Variants in UPP2 observed in about 807,000 individuals in gnomAD.
The protein encoded by UPP2 is UPase 2.
UPP2 carries 23 observed loss-of-function variants against 26.7 expected under a neutral mutation model. The ratio of observed to expected loss-of-function variants is 0.86; its 90% CI spans 0.62 to 1.22. UPP2 has a LOEUF of 1.22. UPP2 is among the 50% of genes most tolerant of loss of function. The probability of loss-of-function intolerance (pLI) is 0.00; values close to 1 mark genes in which losing one functional copy is unlikely to be tolerated. For missense variants in UPP2, 387 were observed against 396.7 expected, an observed-to-expected ratio of 0.98 and a Z score of 0.21; for synonymous variants, 127 against 141.3, an observed-to-expected ratio of 0.90 and a Z score of 0.72.
At chr2:158,027,573 T>C (rs1328459763) in intron 3 of UPP2, among the ~76,000 whole-genome samples, 1 of 152,042 alleles carries the variant, frequency 6.6e-6, no homozygotes, top group Non-Finnish European at 1.5e-5. Context: ...TCCAGGCAAA[T>C]GGTGCAAGCT....
chr2:158,103,094 A>T (rs1381077961), intron 1 of UPP2, among the ~76,000 whole-genome samples: 1 of 152,216 alleles, frequency 6.6e-6, no homozygotes, highest in Non-Finnish European at 1.5e-5. Flanking sequence ...TTTTGGAAAA[A>T]TCAAATATTC....
intron 2 of UPP2, among the ~76,000 whole-genome samples, chr2:158,012,220 A>G (rs543373631): frequency 6.8e-6 from 1 of 146,568 alleles, no homozygotes; most frequent in East Asian, 2.2e-4. Context: ...AATAAGCATG[A>G]GGAAGTTTCA....
chr2:158,131,513 T>C (rs1322711218), intron 6 of UPP2, among the ~76,000 whole-genome samples: 1 of 152,190 alleles, frequency 6.6e-6, no homozygotes, highest in Non-Finnish European at 1.5e-5. Flanking sequence ...GAGGTTCCAA[T>C]TAGGACTTTC....
At chr2:158,102,262 A>T in intron 1 of UPP2, 137 bp downstream of exon 1, 1 of 842,676 alleles carries the variant, frequency 1.2e-6, no homozygotes, top group Non-Finnish European at 1.7e-6. Flanking sequence ...GATGCAGCTC[A>T]TAAAGCAATA....
intron 2 of UPP2, among the ~76,000 whole-genome samples, chr2:158,112,378 T>C (rs1683338150): frequency 6.6e-6 from 1 of 152,236 alleles, no homozygotes; most frequent in African/African-American, 2.4e-5. Context: ...CTTCAAATGG[T>C]GCTGGGACAA....
chr2:158,067,598 A>T (rs1165984548), intron 3 of UPP2, among the ~76,000 whole-genome samples: 1 of 152,152 alleles, frequency 6.6e-6, no homozygotes, highest in East Asian at 1.9e-4. Flanking sequence ...CATTATGGGC[A>T]GAGAAGATTT....
At chr2:158,016,397 A>AT (rs1683660182) in intron 3 of UPP2, among the ~76,000 whole-genome samples, 1 of 151,836 alleles carries the variant, frequency 6.6e-6, no homozygotes, top group Admixed American at 6.6e-5. Context: ...CTGGAGTGCA[A>AT]TGGTGCTATC....
chr2:158,106,694 T>C (rs1245619139), intron 2 of UPP2, among the ~76,000 whole-genome samples: 1 of 152,202 alleles, frequency 6.6e-6, no homozygotes, highest in African/African-American at 2.4e-5. Context: ...AAATATTTCA[T>C]ACAAATTATT....
intron 3 of UPP2, among the ~76,000 whole-genome samples, chr2:158,051,474 T>G (rs1272648287): frequency 6.6e-6 from 1 of 152,032 alleles, no homozygotes; most frequent in African/African-American, 2.4e-5. Flanking sequence ...AAATATTACT[T>G]GGAGTGAAGA....
chr2:158,020,384 AC>A (rs371656245), intron 3 of UPP2, among the ~76,000 whole-genome samples: 96 of 152,348 alleles, frequency 6.3e-4, no homozygotes, highest in African/African-American at 2.3e-3. Flanking sequence ...TGTTAACTGC[AC>A]TATGCAGGAC....
intron 3 of UPP2, among the ~76,000 whole-genome samples, chr2:158,079,343 CA>C (rs1414300315): frequency 6.6e-6 from 1 of 151,952 alleles, no homozygotes; most frequent in Non-Finnish European, 1.5e-5. Context: ...GTAGGATATC[CA>C]AATTATAAGA....
chr2:158,004,608 C>G (rs908703681), intron 2 of UPP2, among the ~76,000 whole-genome samples: 1 of 152,218 alleles, frequency 6.6e-6, no homozygotes, highest in African/African-American at 2.4e-5. Flanking sequence ...GCTCTCCCCT[C>G]ATGAAGCTCT....
At chr2:158,021,955 ACAT>A (rs1683758392) in intron 3 of UPP2, among the ~76,000 whole-genome samples, 1 of 152,208 alleles carries the variant, frequency 6.6e-6, no homozygotes, top group East Asian at 1.9e-4. Context: ...TCTCTCAAAA[ACAT>A]CATGGAATCC....
At chr2:158,055,582 T>A (rs1352874922) in intron 3 of UPP2, among the ~76,000 whole-genome samples, 2 of 152,186 alleles carry the variant, frequency 1.3e-5, no homozygotes, top group Non-Finnish European at 2.9e-5. Flanking sequence ...TCTAAAAGTA[T>A]TCCCATAACA....
chr2:157,996,628 G>C (rs1683328281), intron 2 of UPP2, among the ~76,000 whole-genome samples: 1 of 152,132 alleles, frequency 6.6e-6, no homozygotes, highest in African/African-American at 2.4e-5. Context: ...TCTAGAATTA[G>C]AGAAGAAACA....
At chr2:158,038,327 T>C (rs1684033761) in intron 3 of UPP2, among the ~76,000 whole-genome samples, 1 of 152,232 alleles carries the variant, frequency 6.6e-6, no homozygotes, top group African/African-American at 2.4e-5. Flanking sequence ...GCTGATTTGT[T>C]AAAAGTGTTG....
At chr2:158,069,667 G>A (rs528539645) in intron 3 of UPP2, among the ~76,000 whole-genome samples, 13 of 152,304 alleles carry the variant, frequency 8.5e-5, no homozygotes, top group Admixed American at 2.0e-4. Context: ...ACCCTAGAGC[G>A]AGGATTTTCA....
chr2:158,107,500 G>T (rs190215921), intron 2 of UPP2, among the ~76,000 whole-genome samples: 18 of 152,216 alleles, frequency 1.2e-4, no homozygotes, highest in African/African-American at 4.3e-4. Context: ...CATTGCACTA[G>T]GAGGACCCTT....
chr2:158,047,413 G>C (rs1574262163), intron 3 of UPP2, among the ~76,000 whole-genome samples: 1 of 152,212 alleles, frequency 6.6e-6, no homozygotes, highest in Non-Finnish European at 1.5e-5. Context: ...CATCAGCTGA[G>C]TTTAAACCTG....
Sources: gnomAD v4.1 joint callset for allele counts (sites outside exome capture counted in the v4.1 genomes callset) on GRCh38, gnomAD v4.1.1 for gene constraint, MANE v1.5 for transcripts, NCBI Gene and HGNC (gene_info 2026-07-23, HGNC 2026-07-21) for gene names.